Variants in GLDC observed in about 807,000 individuals in gnomAD.
GLDC encodes glycine dehydrogenase (decarboxylating), mitochondrial.
Under a neutral mutation model 121.3 loss-of-function variants are expected in GLDC, and 104 were observed. That is an observed-to-expected ratio of 0.86 (90% CI 0.73 to 1.01). The LOEUF (loss-of-function observed/expected upper bound fraction) is 1.01. Ranked by LOEUF, GLDC falls within the 50% of genes least tolerant of loss-of-function variation. GLDC has a pLI of 0.00. For synonymous variants in GLDC, 546 were observed against 480.6 expected (o/e 1.14, Z -1.78); for missense variants, 1,429 against 1,306.6 (o/e 1.09, Z -1.44).
chr9:6,642,900 C>T (rs1435481147), intron 2 of GLDC, among the ~76,000 whole-genome samples: 1 of 143,782 alleles, frequency 7.0e-6, no homozygotes, highest in African/African-American at 2.7e-5. Flanking sequence ...TTCTTTTCTT[C>T]CTTTCTCTTT....
At chr9:6,589,690 G>A (rs1217807827) in intron 11 of GLDC, among the ~76,000 whole-genome samples, 1 of 152,140 alleles carries the variant, frequency 6.6e-6, no homozygotes, top group African/African-American at 2.4e-5. Context: ...GCTTCCCAAA[G>A]TGCTGGGATT....
chr9:6,614,548 T>C (rs1035996225), intron 3 of GLDC, among the ~76,000 whole-genome samples: 1 of 146,934 alleles, frequency 6.8e-6, no homozygotes, highest in Non-Finnish European at 1.5e-5. Flanking sequence ...GCCCTGGGTT[T>C]CAATCTTTTT....
chr9:6,563,263 T>C (rs901108005), intron 16 of GLDC, among the ~76,000 whole-genome samples: 5 of 152,184 alleles, frequency 3.3e-5, no homozygotes, highest in East Asian at 1.9e-4. Flanking sequence ...TGGTGTCAGA[T>C]TGGGAAATTT....
At chr9:6,604,998 A>T (rs1379540690) in intron 6 of GLDC, 133 bp downstream of exon 6, 1 of 1,021,458 alleles carries the variant, frequency 9.8e-7, no homozygotes, top group Non-Finnish European at 1.5e-6. Flanking sequence ...AGGAGTCAGG[A>T]AGGAGAGTTT....
At chr9:6,626,834 C>A (rs1327823509) in intron 2 of GLDC, among the ~76,000 whole-genome samples, 2 of 152,200 alleles carry the variant, frequency 1.3e-5, no homozygotes, top group African/African-American at 4.8e-5. Context: ...ACTGGTCATG[C>A]CCTGCCCCAT....
At chr9:6,611,555 C>CAAA (rs34302796) in intron 3 of GLDC, among the ~76,000 whole-genome samples, 2 of 141,068 alleles carry the variant, frequency 1.4e-5, no homozygotes, top group Admixed American at 7.0e-5. Flanking sequence ...GACTCCGTCT[C>CAAA]AAAAAAAAAA....
chr9:6,600,738 G>C (rs2129880606), intron 8 of GLDC, among the ~76,000 whole-genome samples: 1 of 152,212 alleles, frequency 6.6e-6, no homozygotes, highest in Non-Finnish European at 1.5e-5. Flanking sequence ...CTGTGCTCAG[G>C]AGTGGGCCTC....
intron 1 of GLDC, 146 bp from the exon 2 acceptor site, chr9:6,644,838 C>A: frequency 1.5e-6 from 1 of 688,010 alleles, no homozygotes. Flanking sequence ...TCTGAGCAAG[C>A]CAGAATGATT....
intron 2 of GLDC, among the ~76,000 whole-genome samples, chr9:6,641,320 C>G (rs182996452): frequency 6.6e-6 from 1 of 152,216 alleles, no homozygotes; most frequent in Non-Finnish European, 1.5e-5. Flanking sequence ...AGTGTTCCCA[C>G]GTCTGTGCTG....
At position 6,605,117 on chromosome 9, in the gene GLDC, A is replaced by G; in HGVS notation, c.861+14T>C. On this transcript the variant is annotated intron_variant, in intron 6 of 24. Transcript: ENST00000321612. ...TACGCCTCCACGGACCCCCCACAAG[A>G]AAGGTATACCTACCCCACTCTGATG... 2 of 1,611,372 alleles carry G rather than the reference A, an allele frequency of 1.2e-6. No homozygotes were observed. Among genetic ancestry groups the G allele is most frequent in the East Asian group, 4.5e-5 (2 of 44,870 alleles).
chr9:6,592,769 T>G (rs1020844141), intron 10 of GLDC, 82 bp downstream of exon 10: 3 of 1,379,048 alleles, frequency 2.2e-6, no homozygotes, highest in Non-Finnish European at 3.0e-6. Context: ...TTTTTATTTT[T>G]TAAAAACAAA....
intron 15 of GLDC, among the ~76,000 whole-genome samples, chr9:6,567,865 C>G (rs1055555353): frequency 2.6e-5 from 4 of 152,154 alleles, no homozygotes; most frequent in African/African-American, 9.7e-5. Context: ...TCTCAGAGTT[C>G]TGTATATTCT....
intron 2 of GLDC, among the ~76,000 whole-genome samples, chr9:6,623,641 A>C (rs923133569): frequency 2.0e-5 from 3 of 152,218 alleles, no homozygotes; most frequent in African/African-American, 7.2e-5. Flanking sequence ...AGAGAGAGAT[A>C]TGGTACTTTG....
At chr9:6,576,763 G>A (rs1408691313) in intron 15 of GLDC, among the ~76,000 whole-genome samples, 1 of 152,186 alleles carries the variant, frequency 6.6e-6, no homozygotes, top group African/African-American at 2.4e-5. Context: ...CACCGCGTCT[G>A]GCCTGGAGTT....
intron 4 of GLDC, among the ~76,000 whole-genome samples, chr9:6,608,122 A>G (rs1818772928): frequency 1.3e-5 from 2 of 151,948 alleles, no homozygotes; most frequent in African/African-American, 4.8e-5. Flanking sequence ...GCCTCAAAAA[A>G]ACAATTGAGG....
At chr9:6,537,727 T>C (rs1224549388) in intron 22 of GLDC, among the ~76,000 whole-genome samples, 2 of 151,970 alleles carry the variant, frequency 1.3e-5, no homozygotes, top group African/African-American at 4.8e-5. Flanking sequence ...CTGCAGTAAG[T>C]CAAGATCACA....
intron 15 of GLDC, among the ~76,000 whole-genome samples, chr9:6,583,377 A>G (rs963674981): frequency 2.0e-5 from 3 of 152,192 alleles, no homozygotes; most frequent in African/African-American, 7.2e-5. Context: ...GAAATATTCC[A>G]CCTTAAAAGG....
intron 20 of GLDC, among the ~76,000 whole-genome samples, chr9:6,551,541 A>G (rs1353165082): frequency 6.6e-6 from 1 of 152,210 alleles, no homozygotes; most frequent in Non-Finnish European, 1.5e-5. Flanking sequence ...TATTAAATAC[A>G]TAACTAATGT....
intron 2 of GLDC, 71 bp downstream of exon 2, chr9:6,644,543 T>C: frequency 1.9e-6 from 2 of 1,073,524 alleles, no homozygotes; most frequent in Non-Finnish European, 1.4e-6. Flanking sequence ...CAGAGCTCGA[T>C]TTTCAGGGAA....
Sources: gnomAD v4.1 joint callset for allele counts (sites outside exome capture counted in the v4.1 genomes callset) on GRCh38, gnomAD v4.1.1 for gene constraint, MANE v1.5 for transcripts, NCBI Gene and HGNC (gene_info 2026-07-23, HGNC 2026-07-21) for gene names.